The following PRKCH variants were observed in gnomAD, a reference collection of about 807,000 sequenced individuals.
PRKCH encodes the protein protein kinase C eta type.
A neutral mutation model predicts 82.5 loss-of-function variants in PRKCH; 28 were observed. That is an observed-to-expected ratio of 0.34 (90% CI 0.25 to 0.47). The LOEUF (loss-of-function observed/expected upper bound fraction) is 0.47, where lower values mean the gene tolerates loss of function less well. Ranked by LOEUF, PRKCH falls within the 20% of genes least tolerant of loss-of-function variation. The pLI is 1.00. For synonymous variants in PRKCH, 322 were observed against 327.4 expected (o/e 0.98, Z 0.18); for missense variants, 705 against 881.8 (o/e 0.80, Z 2.54).
intron 9 of PRKCH, 103 bp downstream of exon 9, chr14:61,457,782 G>T (rs1210750009): frequency 6.8e-7 from 1 of 1,479,224 alleles, no homozygotes; most frequent in East Asian, 2.3e-5. Flanking sequence ...GAAATTTTGG[G>T]GGATGGGCTC....
At chr14:61,435,887 A>C (rs1467141781) in intron 2 of PRKCH, among the ~76,000 whole-genome samples, 1 of 152,214 alleles carries the variant, frequency 6.6e-6, no homozygotes, top group South Asian at 2.1e-4. Context: ...AAGCCAGTGA[A>C]GGAGACTAAG....
intron 12 of PRKCH, among the ~76,000 whole-genome samples, chr14:61,540,823 T>A (rs148994585): frequency 6.6e-6 from 1 of 152,282 alleles, no homozygotes; most frequent in Non-Finnish European, 1.5e-5. Context: ...CCAGATCCAA[T>A]CTTAGCAGGA....
intron 1 of PRKCH, among the ~76,000 whole-genome samples, chr14:61,228,344 A>T (rs1273820645): frequency 6.6e-6 from 1 of 152,186 alleles, no homozygotes; most frequent in Non-Finnish European, 1.5e-5. Flanking sequence ...CAAGGGCTTA[A>T]TGTGTTGCGC....
intron 1 of PRKCH, among the ~76,000 whole-genome samples, chr14:61,300,725 T>C (rs368366251): frequency 6.6e-6 from 1 of 152,140 alleles, no homozygotes; most frequent in Non-Finnish European, 1.5e-5. Context: ...AGCTGCAGAC[T>C]GATAAGCAAG....
At position 61,369,189 on chromosome 14, in the gene PRKCH, G is replaced by A. The variant is rs958862089; in HGVS notation, c.364-22036G>A. On this transcript the variant is annotated intron_variant, in intron 1 of 13. Transcript: ENST00000332981. ...ACCCACTAAAGCAGTGGTTCTCAAG[G>A]TGTAGCTTGCATCAGTATCACCGGG... Among the ~76,000 whole-genome samples, 14 of 152,088 alleles carry A rather than the reference G, an allele frequency of 9.2e-5. 1 individual carries two copies. The highest frequency in any genetic ancestry group is 3.4e-4 in the African/African-American group (14 of 41,346).
intron 2 of PRKCH, among the ~76,000 whole-genome samples, chr14:61,400,869 C>G (rs1881572059): frequency 6.6e-6 from 1 of 152,166 alleles, no homozygotes; most frequent in African/African-American, 2.4e-5. Context: ...TATGGTCTTT[C>G]CTGGATAGTA....
chr14:61,519,304 TG>T (rs1473048561), intron 10 of PRKCH, among the ~76,000 whole-genome samples: 17 of 151,870 alleles, frequency 1.1e-4, no homozygotes, highest in African/African-American at 2.2e-4. Flanking sequence ...AATGAATGAA[TG>T]AATGAATGAA....
chr14:61,325,041 A>G (rs537064572), intron 1 of PRKCH, among the ~76,000 whole-genome samples: 9 of 152,344 alleles, frequency 5.9e-5, no homozygotes, highest in African/African-American at 1.7e-4. Context: ...TAAGATCTCA[A>G]TTCTTCCCAA....
At chr14:61,468,811 G>A (rs1885375274) in intron 9 of PRKCH, among the ~76,000 whole-genome samples, 1 of 152,168 alleles carries the variant, frequency 6.6e-6, no homozygotes, top group Admixed American at 6.5e-5. Flanking sequence ...AATCTTTGAT[G>A]TAACCAGAAC....
chr14:61,379,125 C>T lies in PRKCH; in HGVS notation c.364-12100C>T, dbSNP rs76150670. ...CTGCAGTCCTATTTCTGACTTGTCT[C>T]ATTTACACAGCTTACATTTGATCAT... On this transcript the variant is annotated intron_variant, in intron 1 of 13. Transcript: ENST00000332981. Among the ~76,000 whole-genome samples the T allele has an allele frequency of 8.7e-3, 1,318 of 152,328 alleles. 19 individuals carry two copies. The highest frequency in any genetic ancestry group is 0.03 in the African/African-American group (1,252 of 41,566).
rs562708872 is a variant in PRKCH at position 61,387,322 on chromosome 14, A to G, written c.364-3903A>G. ...GCTCTGATCTGCTAGGCCTGCTCACATGTCCACTCTGGAGTTAGGGGCAGA... is the reference window on the plus strand; with the variant it reads ...GCTCTGATCTGCTAGGCCTGCTCACGTGTCCACTCTGGAGTTAGGGGCAGA... On this transcript the variant is annotated intron_variant, in intron 1 of 13. Coordinates refer to ENST00000332981, the MANE Select transcript of PRKCH (RefSeq NM_006255.5). Among the ~76,000 whole-genome samples, 9 of 152,330 alleles carry G rather than the reference A, an allele frequency of 5.9e-5. No individual in the cohort carries two copies. The East Asian group carries it at 1.7e-3, about 29-fold the overall frequency.
chr14:61,340,146 T>C (rs923951495), intron 1 of PRKCH, among the ~76,000 whole-genome samples: 1 of 151,908 alleles, frequency 6.6e-6, no homozygotes, highest in Non-Finnish European at 1.5e-5. Context: ...CCCTGCCCTG[T>C]TCATTTTTCT....
intron 2 of PRKCH, among the ~76,000 whole-genome samples, chr14:61,422,669 A>G (rs1882904095): frequency 6.6e-6 from 1 of 152,178 alleles, no homozygotes; most frequent in South Asian, 2.1e-4. Flanking sequence ...TTGCTTTTGT[A>G]TTTTAACCGT....
chr14:61,302,408 C>G, intron 1 of PRKCH, among the ~76,000 whole-genome samples: 1 of 152,290 alleles, frequency 6.6e-6, no homozygotes, highest in Admixed American at 6.5e-5. Flanking sequence ...GATCCACCAT[C>G]TCATCTCATG....
At chr14:61,415,058 G>A (rs1238583129) in intron 2 of PRKCH, among the ~76,000 whole-genome samples, 1 of 152,096 alleles carries the variant, frequency 6.6e-6, no homozygotes, top group Non-Finnish European at 1.5e-5. Context: ...GTTCTGTGCT[G>A]TCTTTCAAAC....
At chr14:61,198,265 A>C (rs770618806) in intron 1 of PRKCH, among the ~76,000 whole-genome samples, 4 of 152,168 alleles carry the variant, frequency 2.6e-5, no homozygotes, top group Non-Finnish European at 4.4e-5. Flanking sequence ...ATTGTCCTTC[A>C]TGATGTAGCC....
At chr14:61,242,924 A>C (rs1329298189) in intron 1 of PRKCH, among the ~76,000 whole-genome samples, 1 of 152,214 alleles carries the variant, frequency 6.6e-6, no homozygotes, top group Non-Finnish European at 1.5e-5. Context: ...CTAGGTATTG[A>C]GAATGCAGCA....
In PRKCH at chr14:61,550,007, G is replaced by T. The variant is rs552460201; in HGVS notation, c.*176G>T. ...TCAGATATCAACTATTTAGAGTCCA[G>T]AGGGAGCCATGGCACTAGAAATAGT... On this transcript the variant is annotated 3_prime_UTR_variant, in exon 14 of 14. Transcript: ENST00000332981. The T allele has an allele frequency of 3.2e-5, 20 of 620,272 alleles. No individual in the cohort carries two copies. In the African/African-American group the frequency reaches 3.5e-4, roughly 11 times the overall value. The allele number at this position is 620,272 out of a possible 1,614,324, so 38.4% of individuals were successfully genotyped here. A position where few individuals can be genotyped will look rare whatever the true frequency, so the allele number is the denominator to read the frequency against.
intron 1 of PRKCH, among the ~76,000 whole-genome samples, chr14:61,252,700 T>G (rs1038047648): frequency 1.3e-5 from 2 of 152,216 alleles, no homozygotes; most frequent in Admixed American, 1.3e-4. Context: ...AATTTTCCAA[T>G]AAGAAGTGAC....
Sources: allele counts gnomAD v4.1 joint callset (sites outside exome capture counted in the v4.1 genomes callset), GRCh38; gene constraint gnomAD v4.1.1; transcripts MANE v1.5; gene names NCBI Gene and HGNC (gene_info 2026-07-23, HGNC 2026-07-21).